Variants in RBFOX1 observed in about 807,000 individuals in gnomAD.
RBFOX1 encodes RNA binding protein fox-1 homolog 1.
In RBFOX1, 8 loss-of-function variants were observed where a neutral mutation model predicts 57.7. That is an observed-to-expected ratio of 0.14 (90% CI 0.08 to 0.25). The LOEUF is 0.25. Ranked by LOEUF, RBFOX1 falls within the 10% of genes least tolerant of loss-of-function variation. The pLI is 1.00. For synonymous variants in RBFOX1, 326 were observed against 222.4 expected, an observed-to-expected ratio of 1.47 and a Z score of -4.15; for missense variants, 611 against 548.5, an observed-to-expected ratio of 1.11 and a Z score of -1.14.
chr16:6,483,432 T>A, intron 2 of RBFOX1: 1 of 1,535,520 alleles, frequency 6.5e-7, no homozygotes, highest in South Asian at 1.2e-5. Flanking sequence ...TGCCGTTTGC[T>A]GTTGCCTCGG....
chr16:5,380,755 C>T (rs758184891), intron 1 of RBFOX1, among the ~76,000 whole-genome samples: 1 of 152,222 alleles, frequency 6.6e-6, no homozygotes, highest in Admixed American at 6.5e-5. Flanking sequence ...GATCCAAACT[C>T]AGGAGTCTCT....
intron 3 of RBFOX1, among the ~76,000 whole-genome samples, chr16:5,711,115 CAA>C (rs888688807): frequency 6.6e-5 from 10 of 152,252 alleles, no homozygotes; most frequent in Middle Eastern, 3.4e-3. Flanking sequence ...TAATTGCAGA[CAA>C]GAGAGATTCT....
intron 9 of RBFOX1, among the ~76,000 whole-genome samples, chr16:7,598,410 A>G (rs956083300): frequency 1.3e-5 from 2 of 152,210 alleles, no homozygotes; most frequent in African/African-American, 2.4e-5. Context: ...GTTCATAAAA[A>G]TAATATAACT....
intron 1 of RBFOX1, among the ~76,000 whole-genome samples, chr16:6,111,152 G>A (rs781596159): frequency 5.9e-5 from 9 of 152,080 alleles, no homozygotes; most frequent in Non-Finnish European, 1.3e-4. Context: ...AAGAAAAATG[G>A]CAATACAAGA....
intron 3 of RBFOX1, among the ~76,000 whole-genome samples, chr16:6,894,103 C>T (rs145395328): frequency 3.5e-4 from 54 of 152,272 alleles, no homozygotes; most frequent in African/African-American, 1.3e-3. Flanking sequence ...GATAGACGAA[C>T]AGATACAAAC....
intron 3 of RBFOX1, among the ~76,000 whole-genome samples, chr16:5,635,463 C>G (rs181806145): frequency 6.6e-6 from 1 of 152,106 alleles, no homozygotes; most frequent in African/African-American, 2.4e-5. Context: ...AAACTAGGGC[C>G]GGGGACTGGA....
intron 3 of RBFOX1, among the ~76,000 whole-genome samples, chr16:6,815,745 A>T (rs1234258445): frequency 6.6e-6 from 1 of 152,174 alleles, no homozygotes; most frequent in African/African-American, 2.4e-5. Flanking sequence ...GTCCCCAGCA[A>T]AAAGTCTATA....
intron 4 of RBFOX1, among the ~76,000 whole-genome samples, chr16:7,425,965 C>A (rs2098606639): frequency 6.6e-6 from 1 of 152,198 alleles, no homozygotes; most frequent in African/African-American, 2.4e-5. Flanking sequence ...TATCCATGAG[C>A]TCAGATCAAT....
At chr16:6,450,208 A>AT (rs1465939163) in intron 2 of RBFOX1, among the ~76,000 whole-genome samples, 1 of 152,062 alleles carries the variant, frequency 6.6e-6, no homozygotes, top group African/African-American at 2.4e-5. Context: ...TTACCTAAGT[A>AT]TTTTTTGACT....
At chr16:5,904,164 G>A (rs1336937054) in intron 4 of RBFOX1, among the ~76,000 whole-genome samples, 2 of 152,108 alleles carry the variant, frequency 1.3e-5, no homozygotes, top group Non-Finnish European at 2.9e-5. Context: ...AATGCCTGGT[G>A]TATGCACAAA....
intron 4 of RBFOX1, among the ~76,000 whole-genome samples, chr16:7,354,404 C>T (rs1424467137): frequency 2.6e-5 from 4 of 152,106 alleles, no homozygotes; most frequent in Admixed American, 1.3e-4. Context: ...GTATTCAAGG[C>T]CTGTTTTCCC....
chr16:6,175,764 G>T (rs1421226585), intron 1 of RBFOX1, among the ~76,000 whole-genome samples: 1 of 152,158 alleles, frequency 6.6e-6, no homozygotes, highest in African/African-American at 2.4e-5. Context: ...TCTGTGGACT[G>T]CACTTTGAGT....
chr16:7,051,579 A>C (rs1343314258), intron 3 of RBFOX1, among the ~76,000 whole-genome samples: 1 of 152,258 alleles, frequency 6.6e-6, no homozygotes, highest in Admixed American at 6.5e-5. Flanking sequence ...GAACTGGACC[A>C]TAAAATGTAA....
chr16:6,227,625 G>T (rs918876993), intron 1 of RBFOX1, among the ~76,000 whole-genome samples: 2 of 152,268 alleles, frequency 1.3e-5, no homozygotes, highest in East Asian at 3.9e-4. Context: ...ATGCTGGTCA[G>T]AAAGTAGGGC....
At chr16:7,244,159 G>C (rs2094189511) in intron 4 of RBFOX1, among the ~76,000 whole-genome samples, 1 of 125,316 alleles carries the variant, frequency 8.0e-6, no homozygotes, top group African/African-American at 3.0e-5. Context: ...TAACTCCAGA[G>C]AAAAAAAATC....
intron 2 of RBFOX1, among the ~76,000 whole-genome samples, chr16:6,394,554 G>A (rs1443211725): frequency 1.3e-5 from 2 of 151,874 alleles, no homozygotes; most frequent in Non-Finnish European, 2.9e-5. Context: ...CAAAAGAAAC[G>A]AGCTAGAATA....
intron 4 of RBFOX1, among the ~76,000 whole-genome samples, chr16:7,516,480 G>C (rs1252499587): frequency 1.3e-5 from 2 of 152,212 alleles, no homozygotes; most frequent in African/African-American, 2.4e-5. Flanking sequence ...GAAGAAACAG[G>C]AGTGGAGACA....
intron 4 of RBFOX1, among the ~76,000 whole-genome samples, chr16:7,067,087 C>T (rs929667181): frequency 7.2e-5 from 11 of 152,232 alleles, no homozygotes; most frequent in Middle Eastern, 6.8e-3. Context: ...GAATCTATAC[C>T]AGGCATATCT....
intron 1 of RBFOX1, among the ~76,000 whole-genome samples, chr16:6,188,231 G>C (rs1040071850): frequency 2.0e-5 from 3 of 152,058 alleles, no homozygotes; most frequent in African/African-American, 7.2e-5. Context: ...AGGGTCAATA[G>C]TTTACGTCTA....
Sources: allele counts gnomAD v4.1 joint callset (sites outside exome capture counted in the v4.1 genomes callset), GRCh38; gene constraint gnomAD v4.1.1; transcripts MANE v1.5; gene names NCBI Gene and HGNC (gene_info 2026-07-23, HGNC 2026-07-21).